The following MEI4 variants were observed in gnomAD, a reference collection of about 807,000 sequenced individuals.
The protein encoded by MEI4 is meiosis-specific protein MEI4.
Under a neutral mutation model 31.4 loss-of-function variants are expected in MEI4, and 27 were observed. That is an observed-to-expected ratio of 0.86 (90% CI 0.63 to 1.19). The LOEUF is 1.19. Among genes scored for constraint, MEI4 ranks in the 50% most tolerant of loss-of-function variants. The probability of loss-of-function intolerance (pLI) is 0.00; values close to 1 mark genes in which losing one functional copy is unlikely to be tolerated. For synonymous variants in MEI4, 122 were observed against 145.4 expected, an observed-to-expected ratio of 0.84 and a Z score of 1.16; for missense variants, 329 against 398.9, an observed-to-expected ratio of 0.82 and a Z score of 1.49.
At chr6:77,685,219 G>A (rs1253706984) in intron 1 of MEI4, among the ~76,000 whole-genome samples, 2 of 151,042 alleles carry the variant, frequency 1.3e-5, no homozygotes, top group Non-Finnish European at 2.9e-5. Context: ...TTCCTATAGG[G>A]TTCTTTGAGC....
At chr6:77,842,797 C>T (rs896814065) in intron 4 of MEI4, among the ~76,000 whole-genome samples, 4 of 151,986 alleles carry the variant, frequency 2.6e-5, no homozygotes, top group East Asian at 1.9e-4. Flanking sequence ...CTATAAACAT[C>T]TGTAGTCCAT....
At chr6:77,855,457 C>T (rs917213743) in intron 4 of MEI4, among the ~76,000 whole-genome samples, 4 of 152,120 alleles carry the variant, frequency 2.6e-5, no homozygotes, top group African/African-American at 7.2e-5. Context: ...GCTTATGGTT[C>T]GTAAGGCTGA....
chr6:77,783,364 C>T (rs540427242), intron 3 of MEI4, among the ~76,000 whole-genome samples: 47 of 152,266 alleles, frequency 3.1e-4, no homozygotes, highest in Admixed American at 1.2e-3. Context: ...GCTTGTTTTA[C>T]TTTACAGAGG....
chr6:77,835,373 AACAC>A lies in MEI4; in HGVS notation c.900+6339_900+6342del, dbSNP rs149668655. Among the ~76,000 whole-genome samples the A allele has an allele frequency of 9.4e-3, 914 of 96,778 alleles. 10 individuals carry two copies. Among genetic ancestry groups the A allele is most frequent in the African/African-American group, 0.026 (749 of 28,556 alleles). 63.5% of individuals were successfully genotyped at this position (96,778 alleles called of 152,430 possible). ...GAAACTCCATAAGAAAACAAAACAA[AACAC>A]ACACACACACACACACACACACACA... On this transcript the variant is annotated intron_variant, in intron 4 of 4. Transcript: ENST00000684080.
At chr6:77,785,355 A>G (rs972358981) in intron 3 of MEI4, among the ~76,000 whole-genome samples, 4 of 152,192 alleles carry the variant, frequency 2.6e-5, no homozygotes, top group African/African-American at 9.6e-5. Flanking sequence ...TCTCAAGTAT[A>G]TATTACCACT....
chr6:77,672,408 G>A lies in MEI4; in HGVS notation c.-14-18250G>A, dbSNP rs372151330. ...AATTATTTTTAATTTGCTTTAAAATGTATTTTAATCACCAGGGTGCTTTCA... is the reference window on the plus strand; with the variant it reads ...AATTATTTTTAATTTGCTTTAAAATATATTTTAATCACCAGGGTGCTTTCA... On this transcript the variant is annotated intron_variant, in intron 1 of 4. Transcript: ENST00000684080. Among the ~76,000 whole-genome samples, 210 of 152,316 alleles carry A rather than the reference G, an allele frequency of 1.4e-3. 4 individuals carry two copies. In the South Asian group the frequency reaches 0.022, roughly 16 times the overall value.
At chr6:77,748,252 C>G (rs978736155) in intron 2 of MEI4, among the ~76,000 whole-genome samples, 1 of 152,224 alleles carries the variant, frequency 6.6e-6, no homozygotes, top group African/African-American at 2.4e-5. Flanking sequence ...CAGTGGCTCT[C>G]CATGAGGCCT....
chr6:77,791,419 A>G (rs1480692360), intron 3 of MEI4, among the ~76,000 whole-genome samples: 1 of 151,000 alleles, frequency 6.6e-6, no homozygotes, highest in African/African-American at 2.4e-5. Context: ...TTCTCAGTAA[A>G]CTATCGCAAG....
intron 4 of MEI4, among the ~76,000 whole-genome samples, chr6:77,867,385 C>T (rs1156485877): frequency 6.7e-6 from 1 of 150,236 alleles, no homozygotes; most frequent in Non-Finnish European, 1.5e-5. Context: ...CAAGAAATAA[C>T]CCCATCAACA....
At chr6:77,783,930 T>A (rs1422792667) in intron 3 of MEI4, among the ~76,000 whole-genome samples, 1 of 143,756 alleles carries the variant, frequency 7.0e-6, no homozygotes, top group East Asian at 2.1e-4. Flanking sequence ...TAATACTGAA[T>A]ATATAGCAAT....
At chr6:77,732,973 A>T (rs1767056532) in intron 2 of MEI4, among the ~76,000 whole-genome samples, 2 of 151,236 alleles carry the variant, frequency 1.3e-5, no homozygotes, top group Non-Finnish European at 2.9e-5. Context: ...CCCAGGGATG[A>T]AGCCCACTTG....
chr6:77,681,403 G>A (rs939775750), intron 1 of MEI4, among the ~76,000 whole-genome samples: 2 of 152,038 alleles, frequency 1.3e-5, no homozygotes, highest in South Asian at 2.1e-4. Flanking sequence ...GTAAAATACC[G>A]GTGTAACCAC....
intron 2 of MEI4, among the ~76,000 whole-genome samples, chr6:77,704,570 A>G (rs780623938): frequency 6.6e-6 from 1 of 152,164 alleles, no homozygotes; most frequent in Non-Finnish European, 1.5e-5. Context: ...TAGAAATGCA[A>G]ATTCTCAGAT....
At chr6:77,825,396 G>A (rs1562003401) in intron 3 of MEI4, among the ~76,000 whole-genome samples, 1 of 152,052 alleles carries the variant, frequency 6.6e-6, no homozygotes, top group Non-Finnish European at 1.5e-5. Context: ...TGTTAGGGAG[G>A]GCCCCAGAGC....
At chr6:77,828,851 T>G in intron 3 of MEI4, 80 bp from the exon 4 acceptor site, 2 of 1,055,362 alleles carry the variant, frequency 1.9e-6, no homozygotes, top group Non-Finnish European at 2.4e-6. Context: ...TCACAGCATT[T>G]AGCTCAGTAG....
intron 4 of MEI4, among the ~76,000 whole-genome samples, chr6:77,875,173 GT>G (rs1771303551): frequency 6.6e-6 from 1 of 152,110 alleles, no homozygotes. Context: ...TCCATCTCCT[GT>G]TTTGGTCTCT....
intron 2 of MEI4, among the ~76,000 whole-genome samples, chr6:77,759,459 A>G (rs1352767865): frequency 6.6e-6 from 1 of 152,280 alleles, no homozygotes; most frequent in East Asian, 1.9e-4. Context: ...CTAAAGGATC[A>G]TCTCTGACTA....
intron 4 of MEI4, among the ~76,000 whole-genome samples, chr6:77,888,254 AT>A: frequency 6.6e-6 from 1 of 151,472 alleles, no homozygotes; most frequent in Non-Finnish European, 1.5e-5. Flanking sequence ...TTCTGTTGAC[AT>A]TTAGAATATT....
At chr6:77,672,837 C>G (rs1768771835) in intron 1 of MEI4, among the ~76,000 whole-genome samples, 2 of 152,194 alleles carry the variant, frequency 1.3e-5, no homozygotes, top group Non-Finnish European at 2.9e-5. Context: ...CACGCCCATC[C>G]TACATTCTGT....
Sources: allele counts gnomAD v4.1 joint callset (sites outside exome capture counted in the v4.1 genomes callset), GRCh38; gene constraint gnomAD v4.1.1; transcripts MANE v1.5; gene names NCBI Gene and HGNC (gene_info 2026-07-23, HGNC 2026-07-21).